The following CDK14 variants were observed in gnomAD, a reference collection of about 807,000 sequenced individuals.
CDK14 encodes cyclin-dependent kinase 14.
CDK14 carries 34 observed loss-of-function variants against 60.7 expected under a neutral mutation model. That is an observed-to-expected ratio of 0.56 (90% CI 0.43 to 0.75). The LOEUF is 0.75. CDK14 is among the 30% of genes least tolerant of loss of function. The pLI, the probability that CDK14 is intolerant of heterozygous loss-of-function variation, is 0.00. For missense variants in CDK14, 482 were observed against 564.1 expected (o/e 0.85, Z 1.47); for synonymous variants, 197 against 203.7 (o/e 0.97, Z 0.28).
intron 1 of CDK14, among the ~76,000 whole-genome samples, chr7:90,601,238 A>G (rs1216273236): frequency 1.3e-5 from 2 of 152,236 alleles, no homozygotes; most frequent in Admixed American, 1.3e-4. Flanking sequence ...ATAATTGTGG[A>G]TTTACATTTA....
intron 14 of CDK14, among the ~76,000 whole-genome samples, chr7:91,195,905 G>A (rs949527154): frequency 6.6e-6 from 1 of 152,154 alleles, no homozygotes; most frequent in African/African-American, 2.4e-5. Flanking sequence ...AGCTTTTCCT[G>A]TGTCTCTGTC....
At chr7:90,944,490 T>A (rs1273718319) in intron 8 of CDK14, among the ~76,000 whole-genome samples, 1 of 152,152 alleles carries the variant, frequency 6.6e-6, no homozygotes, top group East Asian at 1.9e-4. Context: ...CTCAGCACTT[T>A]GGGAAGCTGA....
intron 8 of CDK14, among the ~76,000 whole-genome samples, chr7:90,941,764 G>A (rs369842069): frequency 1.1e-4 from 17 of 152,194 alleles, no homozygotes; most frequent in Admixed American, 9.2e-4. Flanking sequence ...TGGGCCCTGC[G>A]AGTTTGCACC....
At position 90,657,665 on chromosome 7, in the gene CDK14, C is replaced by T. The variant is rs528640185; in HGVS notation, c.123+53416C>T. On this transcript the variant is annotated intron_variant, in intron 2 of 14. Transcript: ENST00000380050. ...ATGAATTCAGATAACCACATATGGG[C>T]CAGTGGCTACTCTATTGGACAGCAC... 2.6e-5 allele frequency among the ~76,000 whole-genome samples: 4 copies of T among 152,258 alleles called. No homozygotes were observed. In the East Asian group the frequency reaches 7.7e-4, roughly 29 times the overall value.
chr7:90,619,671 G>A (rs1189891826), intron 2 of CDK14, among the ~76,000 whole-genome samples: 7 of 152,112 alleles, frequency 4.6e-5, no homozygotes, highest in Admixed American at 4.6e-4. Context: ...TTATTTGAAG[G>A]CTGTTTTGGG....
At chr7:90,646,637 T>C (rs558904406) in intron 2 of CDK14, among the ~76,000 whole-genome samples, 2 of 152,318 alleles carry the variant, frequency 1.3e-5, no homozygotes, top group African/African-American at 4.8e-5. Context: ...TCTTTGCCTA[T>C]GGGTCTCTTC....
At chr7:90,769,780 GCTTA>G (rs1429284518) in intron 4 of CDK14, among the ~76,000 whole-genome samples, 4 of 152,080 alleles carry the variant, frequency 2.6e-5, no homozygotes, top group African/African-American at 9.7e-5. Context: ...TTAGGTGATT[GCTTA>G]CTTATTTTAT....
intron 2 of CDK14, among the ~76,000 whole-genome samples, chr7:90,635,384 A>G (rs963895377): frequency 3.3e-5 from 5 of 152,238 alleles, no homozygotes; most frequent in African/African-American, 1.2e-4. Flanking sequence ...CATTTATTAA[A>G]TAGGGAATCC....
intron 4 of CDK14, among the ~76,000 whole-genome samples, chr7:90,783,442 C>G (rs776968678): frequency 6.6e-6 from 1 of 152,000 alleles, no homozygotes; most frequent in Non-Finnish European, 1.5e-5. Context: ...TAGTAGTAAG[C>G]GTCTACAAGC....
intron 14 of CDK14, among the ~76,000 whole-genome samples, chr7:91,173,738 G>A (rs973236709): frequency 5.3e-5 from 8 of 152,252 alleles, no homozygotes; most frequent in Admixed American, 2.0e-4. Flanking sequence ...CCAATACCGC[G>A]CTTTTCCGAT....
chr7:90,774,710 C>A (rs1473540246), intron 4 of CDK14, among the ~76,000 whole-genome samples: 1 of 152,070 alleles, frequency 6.6e-6, no homozygotes, highest in Non-Finnish European at 1.5e-5. Context: ...TTGCAGGCAA[C>A]CAGAAAAAGA....
intron 2 of CDK14, among the ~76,000 whole-genome samples, chr7:90,714,426 T>G (rs746857738): frequency 1.3e-5 from 2 of 152,080 alleles, no homozygotes; most frequent in Admixed American, 6.6e-5. Context: ...TGGTATTGAC[T>G]TTTCTCAGCT....
At chr7:90,769,000 T>C (rs1804678629) in intron 4 of CDK14, among the ~76,000 whole-genome samples, 1 of 152,174 alleles carries the variant, frequency 6.6e-6, no homozygotes, top group Admixed American at 6.5e-5. Flanking sequence ...AAGAGGCAAA[T>C]GGTAGACAGT....
intron 4 of CDK14, among the ~76,000 whole-genome samples, chr7:90,771,226 G>A (rs984296343): frequency 6.6e-6 from 1 of 152,126 alleles, no homozygotes; most frequent in Non-Finnish European, 1.5e-5. Context: ...TTTAAACAAG[G>A]ATCGGAATAA....
chr7:90,941,580 C>G (rs1379893260), intron 8 of CDK14, among the ~76,000 whole-genome samples: 1 of 152,032 alleles, frequency 6.6e-6, no homozygotes, highest in Non-Finnish European at 1.5e-5. Flanking sequence ...ACTTGAGTAG[C>G]TGGAACTACA....
chr7:90,843,870 A>T (rs929784324), intron 5 of CDK14, among the ~76,000 whole-genome samples: 1 of 152,118 alleles, frequency 6.6e-6, no homozygotes, highest in African/African-American at 2.4e-5. Context: ...TTTGACTATG[A>T]TCTATATAAT....
intron 9 of CDK14, among the ~76,000 whole-genome samples, chr7:90,973,724 C>G (rs1794991273): frequency 1.5e-5 from 1 of 68,480 alleles, no homozygotes; most frequent in Non-Finnish European, 3.3e-5. Flanking sequence ...GCAAAACCAG[C>G]AATTTTTTTT....
chr7:90,837,291 C>CTT lies in CDK14; in HGVS notation c.545-25871_545-25870dup, dbSNP rs1211895994. Among the ~76,000 whole-genome samples, 1,298 of 141,632 alleles carry CTT rather than the reference C, an allele frequency of 9.2e-3. 21 individuals carry two copies. The highest frequency in any genetic ancestry group is 0.031 in the African/African-American group (1,194 of 38,788). 92.9% of individuals were successfully genotyped at this position (141,632 alleles called of 152,430 possible). On this transcript the variant is annotated intron_variant, in intron 5 of 14. Transcript: ENST00000380050. ...AATAATATTTCTTTCTTTCTTTTTT[C>CTT]TTTTTTTTTTTTTTGAGATGGAGTC...
At chr7:90,847,678 T>C (rs149865610) in intron 5 of CDK14, among the ~76,000 whole-genome samples, 1,652 of 152,316 alleles carry the variant, frequency 0.011, 12 homozygotes, top group Non-Finnish European at 0.016. Flanking sequence ...ATTTTTATGT[T>C]ATATAAATGT....
Sources: gnomAD v4.1 joint callset for allele counts (sites outside exome capture counted in the v4.1 genomes callset) on GRCh38, gnomAD v4.1.1 for gene constraint, MANE v1.5 for transcripts, NCBI Gene and HGNC (gene_info 2026-07-23, HGNC 2026-07-21) for gene names.